Variants in HELLS observed in about 807,000 individuals in gnomAD.
The protein encoded by HELLS is helicase, lymphoid specific.
In HELLS, 32 loss-of-function variants were observed where a neutral mutation model predicts 120.0. The ratio of observed to expected loss-of-function variants is 0.27; its 90% CI spans 0.20 to 0.36. HELLS has a LOEUF of 0.36. HELLS is among the 10% of genes least tolerant of loss of function. HELLS has a pLI of 1.00. For synonymous variants in HELLS, 341 were observed against 323.4 expected, an observed-to-expected ratio of 1.05 and a Z score of -0.58; for missense variants, 650 against 993.4, an observed-to-expected ratio of 0.65 and a Z score of 4.65.
At chr10:94,546,048 C>T (rs900852372) in intron 1 of HELLS, 96 bp downstream of exon 1, 11 of 1,395,296 alleles carry the variant, frequency 7.9e-6, no homozygotes, top group Non-Finnish European at 8.9e-6. Context: ...AGGGAGCCGA[C>T]CCCGGGCAGG....
chr10:94,553,740 G>T (rs564923238), intron 2 of HELLS, among the ~76,000 whole-genome samples: 1 of 151,686 alleles, frequency 6.6e-6, no homozygotes, highest in East Asian at 1.9e-4. Context: ...TAGAGATGGG[G>T]TTTCTCCATG....
rs1336487140 is a variant in HELLS at position 94,581,466 on chromosome 10, A to G, written c.1173A>G (p.Ser391=). Residue 391 remains serine (S), a synonymous_variant, in exon 11 of 22, where the codon TCA becomes TCG. Coordinates refer to ENST00000348459, the MANE Select transcript of HELLS (RefSeq NM_018063.5). ...LTGTPLQNNL[S]ELWSLLNFLL... ...GTACTCCCTTGCAAAACAATTTATC[A>G]GAACTTTGGTCATTGCTAAACTTTT... The G allele has an allele frequency of 1.2e-6, 2 of 1,612,408 alleles. No individual in the cohort carries two copies. Among genetic ancestry groups the G allele is most frequent in the Admixed American group, 1.7e-5 (1 of 59,662 alleles).
At chr10:94,556,908 C>T (rs1843297309) in intron 3 of HELLS, among the ~76,000 whole-genome samples, 2 of 152,186 alleles carry the variant, frequency 1.3e-5, no homozygotes, top group African/African-American at 4.8e-5. Flanking sequence ...CCCTCAATCC[C>T]ATTACCTTTC....
chr10:94,590,339 C>A, intron 13 of HELLS, 74 bp from the exon 14 acceptor site: 1 of 1,260,322 alleles, frequency 7.9e-7, no homozygotes. Flanking sequence ...TAAAATATGC[C>A]TTATTTTGTT....
chr10:94,566,796 A>G (rs1345515243), intron 6 of HELLS, among the ~76,000 whole-genome samples: 2 of 151,924 alleles, frequency 1.3e-5, no homozygotes. Context: ...CTGGGACTAC[A>G]GGCACGTGCC....
At chr10:94,572,363 A>T (rs1195467810) in intron 7 of HELLS, among the ~76,000 whole-genome samples, 3 of 152,198 alleles carry the variant, frequency 2.0e-5, no homozygotes, top group Admixed American at 1.3e-4. Flanking sequence ...CAAGGTATAG[A>T]ACATTTCCAT....
intron 21 of HELLS, among the ~76,000 whole-genome samples, chr10:94,600,494 G>A (rs1222119904): frequency 4.6e-5 from 7 of 152,098 alleles, no homozygotes; most frequent in Non-Finnish European, 8.8e-5. Context: ...ATATTGGCTA[G>A]AAGTACAATA....
At chr10:94,575,902 A>G (rs906064907) in intron 9 of HELLS, among the ~76,000 whole-genome samples, 1 of 151,306 alleles carries the variant, frequency 6.6e-6, no homozygotes, top group African/African-American at 2.4e-5. Context: ...GGTTCAAGCG[A>G]TTCTCCTGTC....
intron 6 of HELLS, 37 bp downstream of exon 6, chr10:94,562,913 G>A: frequency 2.4e-6 from 3 of 1,255,382 alleles, no homozygotes; most frequent in East Asian, 2.3e-5. Flanking sequence ...AACATTTGAT[G>A]TTGAGTAAAA....
intron 6 of HELLS, 115 bp from the exon 7 acceptor site, chr10:94,571,273 T>G (rs1330672365): frequency 7.3e-6 from 6 of 827,496 alleles, no homozygotes; most frequent in Non-Finnish European, 1.1e-5. Flanking sequence ...AGTTTTATCT[T>G]GAGAATCTCA....
chr10:94,603,366 A>G (rs1443238703), downstream of HELLS, among the ~76,000 whole-genome samples: 1 of 151,830 alleles, frequency 6.6e-6, no homozygotes, highest in African/African-American at 2.4e-5. Context: ...ACAGTTGTTG[A>G]CTCTTCTCCA....
chr10:94,590,277 A>G (rs548514068), intron 13 of HELLS, 136 bp from the exon 14 acceptor site: 52 of 736,590 alleles, frequency 7.1e-5, no homozygotes, highest in Admixed American at 3.6e-4. Context: ...TGTTAAAATT[A>G]AACTAATTTC....
chr10:94,564,302 A>G (rs1405479088), intron 6 of HELLS, among the ~76,000 whole-genome samples: 1 of 152,184 alleles, frequency 6.6e-6, no homozygotes, highest in Non-Finnish European at 1.5e-5. Flanking sequence ...GTAGGGTAGT[A>G]AAGACACTGT....
chr10:94,562,093 G>A (rs1448780835), intron 4 of HELLS, among the ~76,000 whole-genome samples: 1 of 147,418 alleles, frequency 6.8e-6, no homozygotes, highest in Non-Finnish European at 1.5e-5. Context: ...GATGTACATG[G>A]TATTTCTAAA....
chr10:94,546,073 G>A (rs73329627), intron 1 of HELLS, 121 bp downstream of exon 1: 65,926 of 1,183,022 alleles, frequency 0.056, 3,428 homozygotes, highest in African/African-American at 0.25. Context: ...GAGGAGGAAA[G>A]GAGGGTTGGG....
rs1364094668 is a variant in HELLS, at chr10:94,545,929, C to G, written c.8C>G (p.Ala3Gly). Reference sequence around the variant, plus strand: ...CCGGGTGAGTGTCCAGGCATGCCAGCGGAACGGCCCGCGGGCAGCGGCGGT... The same window carrying G: ...CCGGGTGAGTGTCCAGGCATGCCAGGGGAACGGCCCGCGGGCAGCGGCGGT... MPAERPAGSGGSE... is the reference protein window; with the variant it reads MPGERPAGSGGSE... The change falls in exon 1 of 22, where the codon GCG becomes GGG. Residue 3 changes from alanine to glycine, a missense_variant. Transcript: ENST00000348459. 1 of 1,555,952 alleles carries G rather than the reference C, an allele frequency of 6.4e-7. No homozygotes were observed.
chr10:94,559,970 C>T lies in HELLS; in HGVS notation c.333+1775C>T, dbSNP rs535581597. ...GCTGACTCTAATTTGCTGAAAATTA[C>T]GGATTTGAACCCAGGATTAGTTTAA... is the stretch of plus-strand genomic sequence containing the variant. On this transcript the variant is annotated intron_variant, in intron 4 of 21. Transcript: ENST00000348459. Among the ~76,000 whole-genome samples the T allele has an allele frequency of 3.9e-5, 6 of 152,282 alleles. No individual in the cohort carries two copies. In the South Asian group the frequency reaches 6.2e-4, roughly 16 times the overall value.
At chr10:94,601,384 A>C in intron 21 of HELLS, 144 bp from the exon 22 acceptor site, 1 of 542,372 alleles carries the variant, frequency 1.8e-6, no homozygotes, top group Non-Finnish European at 3.2e-6. Context: ...CTTGGTGATT[A>C]AGGAAGAGAG....
downstream of HELLS, among the ~76,000 whole-genome samples, chr10:94,606,220 ATTTTTGT>A (rs1846127612): frequency 6.6e-6 from 1 of 151,166 alleles, no homozygotes; most frequent in Non-Finnish European, 1.5e-5. Flanking sequence ...TGTGTATCTT[ATTTTTGT>A]TTTGTTTTAC....
Sources: gnomAD v4.1 joint callset for allele counts (sites outside exome capture counted in the v4.1 genomes callset) on GRCh38, gnomAD v4.1.1 for gene constraint, MANE v1.5 for transcripts, NCBI Gene and HGNC (gene_info 2026-07-23, HGNC 2026-07-21) for gene names.